Variants in ASIC2 observed in about 807,000 individuals in gnomAD.
The protein encoded by ASIC2 is acid-sensing ion channel 2.
In ASIC2, 25 loss-of-function variants were observed where a neutral mutation model predicts 57.3. The ratio of observed to expected loss-of-function variants is 0.44; its 90% CI spans 0.32 to 0.61. ASIC2 has a LOEUF of 0.61. Among genes scored for constraint, ASIC2 ranks in the 20% least tolerant of loss-of-function variants. The pLI is 0.06. For missense variants in ASIC2, 641 were observed against 738.1 expected, an observed-to-expected ratio of 0.87 and a Z score of 1.52; for synonymous variants, 319 against 307.5, an observed-to-expected ratio of 1.04 and a Z score of -0.39.
chr17:33,697,039 A>G (rs1252303934), intron 1 of ASIC2, among the ~76,000 whole-genome samples: 1 of 151,994 alleles, frequency 6.6e-6, no homozygotes, highest in African/African-American at 2.4e-5. Context: ...AGTTCTCCTG[A>G]GATCTGGTCA....
At chr17:33,374,602 G>A (rs1909207769) in intron 1 of ASIC2, among the ~76,000 whole-genome samples, 1 of 152,174 alleles carries the variant, frequency 6.6e-6, no homozygotes. Context: ...TTACTGCAAT[G>A]CTGTGGTCTC....
intron 1 of ASIC2, among the ~76,000 whole-genome samples, chr17:33,225,568 A>C (rs896555388): frequency 6.6e-6 from 1 of 152,228 alleles, no homozygotes; most frequent in Non-Finnish European, 1.5e-5. Flanking sequence ...CCCAGTGGCT[A>C]TCTAGTCATT....
intron 1 of ASIC2, among the ~76,000 whole-genome samples, chr17:33,557,403 A>G (rs2141981187): frequency 6.6e-6 from 1 of 152,326 alleles, no homozygotes; most frequent in East Asian, 1.9e-4. Flanking sequence ...GCTAAGTGCA[A>G]TGTTAACAGT....
chr17:33,767,678 A>G (rs1259085510), intron 1 of ASIC2, among the ~76,000 whole-genome samples: 3 of 152,252 alleles, frequency 2.0e-5, no homozygotes, highest in Admixed American at 1.3e-4. Context: ...TCTGATCCGT[A>G]TACTACAAAA....
chr17:33,320,302 G>A (rs958874176), intron 1 of ASIC2, among the ~76,000 whole-genome samples: 2 of 152,100 alleles, frequency 1.3e-5, no homozygotes, highest in African/African-American at 4.8e-5. Flanking sequence ...TGTTTGTTGA[G>A]GCATTCTTAT....
At chr17:33,270,765 C>A (rs1024326511) in intron 1 of ASIC2, among the ~76,000 whole-genome samples, 1 of 152,220 alleles carries the variant, frequency 6.6e-6, no homozygotes, top group African/African-American at 2.4e-5. Flanking sequence ...AACCTGAGCC[C>A]TTCTGTAGTG....
At chr17:34,133,077 T>C (rs1046661585) in intron 1 of ASIC2, among the ~76,000 whole-genome samples, 32 of 152,208 alleles carry the variant, frequency 2.1e-4, no homozygotes, top group African/African-American at 7.7e-4. Context: ...ATTTATTACT[T>C]ACTGTTAGCC....
intron 4 of ASIC2, among the ~76,000 whole-genome samples, chr17:33,026,594 A>G (rs1051134205): frequency 2.8e-4 from 42 of 152,158 alleles, no homozygotes; most frequent in Admixed American, 1.3e-4. Flanking sequence ...ATAATTCCAC[A>G]TTAGTAACTG....
At chr17:33,586,633 T>G (rs553154631) in intron 1 of ASIC2, among the ~76,000 whole-genome samples, 1 of 152,330 alleles carries the variant, frequency 6.6e-6, no homozygotes, top group East Asian at 1.9e-4. Flanking sequence ...TTGCTTTGCT[T>G]CTTCAATTAT....
intron 1 of ASIC2, among the ~76,000 whole-genome samples, chr17:33,532,815 T>A (rs769393959): frequency 5.9e-5 from 9 of 152,198 alleles, no homozygotes; most frequent in Non-Finnish European, 1.3e-4. Flanking sequence ...GAACCTCTCC[T>A]CTTTCTGCCT....
intron 1 of ASIC2, among the ~76,000 whole-genome samples, chr17:33,317,313 G>C (rs954653820): frequency 2.0e-5 from 3 of 152,126 alleles, no homozygotes; most frequent in African/African-American, 7.2e-5. Context: ...GAGCTCTGAG[G>C]GTAGACCTTA....
intron 1 of ASIC2, among the ~76,000 whole-genome samples, chr17:33,971,092 G>A (rs12603414): frequency 0.52 from 79,472 of 151,654 alleles, 21,337 homozygotes; most frequent in East Asian, 0.7. Flanking sequence ...TGTGCAATGC[G>A]CACACCACTC....
chr17:33,933,197 T>C (rs913854861), intron 1 of ASIC2, among the ~76,000 whole-genome samples: 4 of 152,172 alleles, frequency 2.6e-5, no homozygotes, highest in Admixed American at 6.5e-5. Context: ...CCCTGGACAG[T>C]TGCATGCTTA....
rs750206505 is a variant in ASIC2, at chr17:34,139,803, G to A, written c.555+16175C>T. Among the ~76,000 whole-genome samples the A allele has an allele frequency of 7.9e-5, 12 of 152,246 alleles. No individual in the cohort carries two copies. In the East Asian group the frequency reaches 1.3e-3, roughly 17 times the overall value. On this transcript the variant is annotated intron_variant, in intron 1 of 9. Transcript: ENST00000359872. ...AGCAGGGTGATTGATAATGGGTACG[G>A]GGTTTCTTTCTGAGGTAATAAAAAT...
chr17:33,220,527 T>C (rs1041682482), intron 1 of ASIC2, among the ~76,000 whole-genome samples: 1 of 152,224 alleles, frequency 6.6e-6, no homozygotes, highest in Admixed American at 6.5e-5. Context: ...CTAACTATTA[T>C]AGCATCTGTA....
At chr17:33,399,245 A>G (rs751681622) in intron 1 of ASIC2, among the ~76,000 whole-genome samples, 2 of 152,084 alleles carry the variant, frequency 1.3e-5, no homozygotes, top group South Asian at 2.1e-4. Context: ...TATAAATCCA[A>G]CTTCACCCAA....
chr17:34,020,128 A>G (rs189564771), intron 1 of ASIC2, among the ~76,000 whole-genome samples: 118 of 152,322 alleles, frequency 7.7e-4, no homozygotes, highest in African/African-American at 2.8e-3. Context: ...GCTACATTTA[A>G]TCTACCACAC....
chr17:33,054,587 C>G (rs979742778), intron 3 of ASIC2, among the ~76,000 whole-genome samples: 10 of 152,176 alleles, frequency 6.6e-5, no homozygotes, highest in Non-Finnish European at 1.3e-4. Flanking sequence ...GCATGTGGCT[C>G]TCAGCTTTGC....
At chr17:33,995,898 G>C (rs1906144593) in intron 1 of ASIC2, among the ~76,000 whole-genome samples, 1 of 152,142 alleles carries the variant, frequency 6.6e-6, no homozygotes, top group South Asian at 2.1e-4. Context: ...TGGATCAAAA[G>C]AGTTAATCTT....
Sources: allele counts gnomAD v4.1 joint callset (sites outside exome capture counted in the v4.1 genomes callset), GRCh38; gene constraint gnomAD v4.1.1; transcripts MANE v1.5; gene names NCBI Gene and HGNC (gene_info 2026-07-23, HGNC 2026-07-21).